FCHO2: variants seen among roughly 807,000 people sequenced by gnomAD.
The protein encoded by FCHO2 is F-BAR domain only protein 2.
FCHO2 carries 43 observed loss-of-function variants against 114.1 expected under a neutral mutation model. That is an observed-to-expected ratio of 0.38 (90% CI 0.30 to 0.49). The LOEUF (loss-of-function observed/expected upper bound fraction) is 0.49, where lower values mean the gene tolerates loss of function less well. Ranked by LOEUF, FCHO2 falls within the 20% of genes least tolerant of loss-of-function variation. FCHO2 has a pLI of 0.97. For synonymous variants in FCHO2, 293 were observed against 315.2 expected (o/e 0.93, Z 0.75); for missense variants, 807 against 950.4 (o/e 0.85, Z 1.98).
At chr5:73,075,842 T>G (rs1185695558) in intron 20 of FCHO2, among the ~76,000 whole-genome samples, 1 of 152,144 alleles carries the variant, frequency 6.6e-6, no homozygotes, top group African/African-American at 2.4e-5. Context: ...AGTTTGAAGT[T>G]TAAGACATCT....
At chr5:73,026,546 AGTT>A (rs1755930133) in intron 8 of FCHO2, among the ~76,000 whole-genome samples, 2 of 152,130 alleles carry the variant, frequency 1.3e-5, no homozygotes, top group Admixed American at 6.5e-5. Flanking sequence ...ATTTTTAGTC[AGTT>A]ATCTATTGAA....
At chr5:73,078,075 C>A (rs1742974624) in intron 21 of FCHO2, 105 bp from the exon 22 acceptor site, 3 of 827,186 alleles carry the variant, frequency 3.6e-6, no homozygotes, top group Non-Finnish European at 5.2e-6. Flanking sequence ...CATCCCACCT[C>A]TTGGTTTATT....
chr5:73,004,294 C>G (rs1237212019), intron 5 of FCHO2, among the ~76,000 whole-genome samples: 1 of 151,840 alleles, frequency 6.6e-6, no homozygotes, highest in Non-Finnish European at 1.5e-5. Context: ...TTAGCTGTTA[C>G]GTATTTGAAC....
intron 1 of FCHO2, among the ~76,000 whole-genome samples, chr5:72,965,607 G>A (rs992591290): frequency 1.3e-5 from 2 of 152,164 alleles, no homozygotes; most frequent in Non-Finnish European, 2.9e-5. Flanking sequence ...AGGCCAGAGT[G>A]GCACTGGAGA....
At position 73,078,213 on chromosome 5, in the gene FCHO2, T is replaced by C. The variant is rs775807760; in HGVS notation, c.1881T>C (p.Asp627=). ...CACAATGTGATTCCAACACAAAAGA[T>C]TTTTGGATGAACATGCAAGCTGTTA... ...DPSQCDSNTK[D]FWMNMQAVTV... is the part of the protein sequence containing the mutation. Residue 627 remains aspartate, a synonymous_variant, in exon 22 of 26, where the codon GAT becomes GAC. Transcript: ENST00000430046. 3.4e-5 allele frequency: 53 copies of C among 1,576,364 alleles called. No homozygotes were observed. The highest frequency in any genetic ancestry group is 4.3e-5 in the Non-Finnish European group (50 of 1,161,284).
At chr5:72,960,050 G>T (rs1751770275) in intron 1 of FCHO2, among the ~76,000 whole-genome samples, 1 of 152,284 alleles carries the variant, frequency 6.6e-6, no homozygotes, top group African/African-American at 2.4e-5. Context: ...AAAGTGCTGG[G>T]ATTAAAAGGC....
chr5:72,958,140 T>C (rs1751655929), intron 1 of FCHO2, among the ~76,000 whole-genome samples: 1 of 152,144 alleles, frequency 6.6e-6, no homozygotes, highest in South Asian at 2.1e-4. Flanking sequence ...ATTTTCTTGA[T>C]GCTGCTCTTT....
chr5:73,017,592 GTTA>G (rs756201881), intron 8 of FCHO2, among the ~76,000 whole-genome samples: 91 of 152,068 alleles, frequency 6.0e-4, no homozygotes, highest in Non-Finnish European at 1.1e-3. Context: ...ATTTAAAGTG[GTTA>G]TTATAACATT....
chr5:73,011,512 A>G (rs1196413337), intron 6 of FCHO2, among the ~76,000 whole-genome samples: 4 of 152,044 alleles, frequency 2.6e-5, no homozygotes, highest in Non-Finnish European at 4.4e-5. Flanking sequence ...ACACAAACGC[A>G]CACAGTAAAC....
chr5:72,973,938 T>C (rs1203417025), intron 2 of FCHO2, among the ~76,000 whole-genome samples: 4 of 150,674 alleles, frequency 2.7e-5, no homozygotes, highest in Admixed American at 2.6e-4. Flanking sequence ...ACATCTTTAT[T>C]TCTGCCTTCA....
At chr5:72,997,695 G>A (rs1470427965) in intron 5 of FCHO2, 1 of 1,545,706 alleles carries the variant, frequency 6.5e-7, no homozygotes, top group Non-Finnish European at 8.8e-7. Context: ...GGGAGGGCGA[G>A]CCCTTGGGAT....
intron 1 of FCHO2, among the ~76,000 whole-genome samples, chr5:72,956,390 C>G (rs1751540630): frequency 6.6e-6 from 1 of 151,666 alleles, no homozygotes; most frequent in African/African-American, 2.4e-5. Flanking sequence ...GGGGCTGGGA[C>G]AAAGCGCCGG....
At chr5:73,079,383 A>G (rs1325111750) in intron 22 of FCHO2, among the ~76,000 whole-genome samples, 1 of 152,238 alleles carries the variant, frequency 6.6e-6, no homozygotes, top group Non-Finnish European at 1.5e-5. Flanking sequence ...ATGAAGGAAT[A>G]GATTAGAGTA....
intron 2 of FCHO2, among the ~76,000 whole-genome samples, chr5:72,968,807 G>A (rs920398089): frequency 1.3e-5 from 2 of 152,144 alleles, no homozygotes; most frequent in Non-Finnish European, 2.9e-5. Flanking sequence ...CTGGTTTGTG[G>A]ATTCCTTCTT....
intron 8 of FCHO2, among the ~76,000 whole-genome samples, chr5:73,023,171 T>A (rs1433887371): frequency 6.6e-6 from 1 of 152,208 alleles, no homozygotes; most frequent in Non-Finnish European, 1.5e-5. Context: ...TAGTACATTG[T>A]AGAATCACAG....
intron 2 of FCHO2, among the ~76,000 whole-genome samples, chr5:72,980,545 G>T (rs569679654): frequency 2.6e-5 from 4 of 152,242 alleles, no homozygotes; most frequent in Non-Finnish European, 5.9e-5. Context: ...TGACAGCGGG[G>T]TGTTAAAGTC....
chr5:73,057,102 A>ATTT (rs5868655), intron 16 of FCHO2, among the ~76,000 whole-genome samples: 1 of 147,920 alleles, frequency 6.8e-6, no homozygotes, highest in African/African-American at 2.5e-5. Flanking sequence ...TTTTTTCAAA[A>ATTT]TTTTTTTTTT....
At position 73,068,711 on chromosome 5, in the gene FCHO2, C is replaced by G. The variant is rs369163520; in HGVS notation, c.1511C>G (p.Ala504Gly). The G allele has an allele frequency of 2.0e-5, 33 of 1,612,338 alleles. No homozygotes were observed. The highest frequency in any genetic ancestry group is 2.8e-5 in the Non-Finnish European group (33 of 1,178,984). Residue 504 changes from alanine to glycine, a missense_variant, in exon 19 of 26, where the codon GCC (alanine) becomes GGC (glycine). Coordinates refer to ENST00000430046, the MANE Select transcript of FCHO2 (RefSeq NM_138782.3). The part of the protein sequence containing the change: ...NTSPPPAAPL[A>G]RAESSSSISS... ...AGCCCACCTCCTGCTGCACCATTAG[C>G]CCGGGCAGAAAGTTCTTCTTCTATC...
chr5:73,066,037 C>A (rs1207620943), intron 18 of FCHO2, among the ~76,000 whole-genome samples: 5 of 151,994 alleles, frequency 3.3e-5, no homozygotes, highest in African/African-American at 1.2e-4. Context: ...ATAATGGCCT[C>A]CAGTTCTATC....
Sources: allele counts gnomAD v4.1 joint callset (sites outside exome capture counted in the v4.1 genomes callset), GRCh38; gene constraint gnomAD v4.1.1; transcripts MANE v1.5; gene names NCBI Gene and HGNC (gene_info 2026-07-23, HGNC 2026-07-21).